The following ATP2A2 variants were observed in gnomAD, a reference collection of about 807,000 sequenced individuals.
ATP2A2 encodes the protein sarcoplasmic/endoplasmic reticulum calcium ATPase 2.
Under a neutral mutation model 109.3 loss-of-function variants are expected in ATP2A2, and 14 were observed. That is an observed-to-expected ratio of 0.13 (90% CI 0.08 to 0.20). The LOEUF is 0.20. ATP2A2 is among the 10% of genes least tolerant of loss of function. ATP2A2 has a pLI of 1.00. For synonymous variants in ATP2A2, 506 were observed against 490.9 expected, an observed-to-expected ratio of 1.03 and a Z score of -0.41; for missense variants, 657 against 1,321.6, an observed-to-expected ratio of 0.50 and a Z score of 7.80.
In ATP2A2 at chr12:110,283,799, A is replaced by G. The variant is rs570500161; in HGVS notation, c.219+1004A>G. On this transcript the variant is annotated intron_variant, in intron 3 of 19. Transcript: ENST00000539276. ...AACTTCACGGTTTCAGTTCTTGTACATATATGTATGCAGGTCCCAGGGATC... is the reference window on the plus strand; with the variant it reads ...AACTTCACGGTTTCAGTTCTTGTACGTATATGTATGCAGGTCCCAGGGATC... Among the ~76,000 whole-genome samples the G allele has an allele frequency of 9.9e-5, 15 of 152,280 alleles. No homozygotes were observed. The East Asian group carries it at 2.7e-3, about 27-fold the overall frequency.
At chr12:110,304,286 C>G (rs1434276314) in intron 5 of ATP2A2, among the ~76,000 whole-genome samples, 1 of 152,148 alleles carries the variant, frequency 6.6e-6, no homozygotes, top group Non-Finnish European at 1.5e-5. Flanking sequence ...AACATTTTCT[C>G]TCTGTTAGGT....
In ATP2A2 at chr12:110,326,398, G is replaced by A; in HGVS notation, c.553G>A (p.Val185Ile). Residue 185 changes from valine to isoleucine, a missense_variant, in exon 7 of 20, where the codon GTC becomes ATC. By Grantham distance (29) the Val-to-Ile change is conservative. Coordinates refer to ENST00000539276, the MANE Select transcript of ATP2A2 (RefSeq NM_170665.4). ...TCTCACAACCCGCTTAGGTGAATCTGTCTCTGTCATCAAGCACACTGATCC... is the reference window on the plus strand; with the variant it reads ...TCTCACAACCCGCTTAGGTGAATCTATCTCTGTCATCAAGCACACTGATCC... ...VDQSILTGES[V>I]SVIKHTDPVP... 1 of 1,613,940 alleles carries A rather than the reference G, an allele frequency of 6.2e-7. No individual in the cohort carries two copies. The highest frequency in any genetic ancestry group is 8.5e-7 in the Non-Finnish European group (1 of 1,179,934).
intron 3 of ATP2A2, among the ~76,000 whole-genome samples, chr12:110,286,719 G>C (rs1301381649): frequency 2.2e-5 from 3 of 134,836 alleles, no homozygotes; most frequent in Non-Finnish European, 5.2e-5. Context: ...AAAAAAACTT[G>C]ATGTAAATTT....
At chr12:110,291,915 G>A (rs1873356177) in intron 3 of ATP2A2, 105 bp from the exon 4 acceptor site, 1 of 1,019,806 alleles carries the variant, frequency 9.8e-7, no homozygotes, top group South Asian at 1.3e-5. Context: ...CCAAAGTGCT[G>A]GGATTACAGG....
In ATP2A2 at chr12:110,281,824, T is replaced by C; in HGVS notation, c.35T>C (p.Val12Ala). The C allele has an allele frequency of 6.4e-7, 1 of 1,553,046 alleles. No individual in the cohort carries two copies. Among genetic ancestry groups the C allele is most frequent in the Non-Finnish European group, 8.7e-7 (1 of 1,151,286 alleles). Reference protein sequence around the residue: ...ENAHTKTVEEVLGHFGVNEST... With the variant: ...ENAHTKTVEEALGHFGVNEST... The stretch of plus-strand genomic sequence containing the variant: ...GCGCACACCAAGACGGTGGAGGAGG[T>C]GCTGGGCCACTTCGGCGTCAACGAG... Residue 12 changes from valine to alanine, a missense_variant, in exon 1 of 20, where the codon GTG (valine) becomes GCG (alanine). Coordinates refer to ENST00000539276, the MANE Select transcript of ATP2A2 (RefSeq NM_170665.4).
chr12:110,282,671 T>C, intron 2 of ATP2A2, 42 bp from the exon 3 acceptor site: 1 of 1,613,774 alleles, frequency 6.2e-7, no homozygotes, highest in Non-Finnish European at 8.5e-7. Flanking sequence ...GGTGTGCTGA[T>C]GGTAAGATGA....
chr12:110,346,303 C>G lies in ATP2A2; in HGVS notation c.2962C>G (p.Arg988Gly). 6.2e-7 allele frequency: 1 copy of G among 1,614,100 alleles called. No individual in the cohort carries two copies. Residue 988 changes from arginine (R) to glycine (G), a missense_variant, in exon 20 of 20, where the codon CGC becomes GGC. Coordinates refer to ENST00000539276, the MANE Select transcript of ATP2A2 (RefSeq NM_170665.4). ...LMDETLKFVA[R>G]NYLEPGKECV... ...GGATGAGACGCTCAAGTTTGTGGCC[C>G]GCAACTACCTGGAACCTGGTAAAGA...
chr12:110,343,178 A>G, intron 15 of ATP2A2, 54 bp from the exon 16 acceptor site: 2 of 1,568,578 alleles, frequency 1.3e-6, no homozygotes, highest in Non-Finnish European at 1.8e-6. Flanking sequence ...CTCTTTAAAT[A>G]GTGGCCAGAA....
In ATP2A2 at chr12:110,348,249, C is replaced by T. The variant is rs139155700; in HGVS notation, c.*1779C>T. 29,136 of 985,260 alleles carry T rather than the reference C, an allele frequency of 0.03. 476 individuals are homozygous for T. The highest frequency in any genetic ancestry group is 0.072 in the Middle Eastern group (138 of 1,914). 61.0% of individuals were successfully genotyped at this position (985,260 alleles called of 1,614,324 possible). ...TATCGATAGGTTCGTCTTAAATAGG[C>T]CACTTCCCCACTCCCCCACCCCCCC... On this transcript the variant is annotated 3_prime_UTR_variant, in exon 20 of 20. Coordinates refer to ENST00000539276, the MANE Select transcript of ATP2A2 (RefSeq NM_170665.4).
At chr12:110,326,183 T>G (rs1877784329) in intron 6 of ATP2A2, 1 of 583,390 alleles carries the variant, frequency 1.7e-6, no homozygotes, top group South Asian at 2.0e-5. Flanking sequence ...ATTGTGTTGA[T>G]TTTTATCCTG....
chr12:110,303,573 G>A (rs977371409), intron 5 of ATP2A2, among the ~76,000 whole-genome samples: 1 of 152,092 alleles, frequency 6.6e-6, no homozygotes, highest in Non-Finnish European at 1.5e-5. Context: ...ACCACGCCCA[G>A]CTAATTTTTG....
intron 10 of ATP2A2, 136 bp downstream of exon 10, chr12:110,333,419 C>T: frequency 1.2e-6 from 1 of 811,610 alleles, no homozygotes; most frequent in Non-Finnish European, 2.1e-6. Flanking sequence ...CCATTCAGAA[C>T]CTGATGGTGG....
intron 6 of ATP2A2, among the ~76,000 whole-genome samples, chr12:110,325,521 C>T (rs1473103044): frequency 1.3e-5 from 2 of 151,792 alleles, no homozygotes; most frequent in East Asian, 3.9e-4. Flanking sequence ...GTAATCCCAG[C>T]TACTTGGGAG....
chr12:110,282,462 T>C (rs887659532), intron 1 of ATP2A2, 142 bp from the exon 2 acceptor site: 30 of 1,153,476 alleles, frequency 2.6e-5, no homozygotes, highest in Middle Eastern at 4.0e-4. Context: ...GATATTCTTA[T>C]AGCTAGGTCT....
rs751360756 is a variant in ATP2A2, at chr12:110,340,878, A to C, written c.1981A>C (p.Asn661His). Reference protein sequence around the residue: ...AFTGREFDELNPSAQRDACLN... With the variant: ...AFTGREFDELHPSAQRDACLN... ...CACAGGCCGGGAGTTTGATGAACTC[A>C]ACCCCTCCGCCCAGCGAGACGCCTG... is the stretch of plus-strand genomic sequence containing the variant. Residue 661 changes from asparagine (N) to histidine (H), a missense_variant, in exon 14 of 20, where the codon AAC becomes CAC. Physicochemically the swap from Asn to His is moderately conservative, Grantham distance 68. Coordinates refer to ENST00000539276, the MANE Select transcript of ATP2A2 (RefSeq NM_170665.4). This position sits in a 1 kb window ranked among gnomAD's most constrained non-coding sequence, Gnocchi z 6.0. 3.7e-6 allele frequency: 6 copies of C among 1,614,108 alleles called. No individual in the cohort carries two copies. Among genetic ancestry groups the C allele is most frequent in the Non-Finnish European group, 5.1e-6 (6 of 1,180,042 alleles).
chr12:110,335,885 G>GGCA (rs1404924196), intron 11 of ATP2A2, among the ~76,000 whole-genome samples: 1 of 152,196 alleles, frequency 6.6e-6, no homozygotes, highest in Non-Finnish European at 1.5e-5. Flanking sequence ...TGAGCTGTGT[G>GGCA]GCAGCAGCAG....
At chr12:110,283,448 T>A (rs1334849205) in intron 3 of ATP2A2, among the ~76,000 whole-genome samples, 1 of 152,236 alleles carries the variant, frequency 6.6e-6, no homozygotes, top group Non-Finnish European at 1.5e-5. Flanking sequence ...TGTGTGTGCT[T>A]ACCCACTTGA....
chr12:110,307,447 AG>A (rs1875489753), intron 5 of ATP2A2, among the ~76,000 whole-genome samples: 1 of 151,412 alleles, frequency 6.6e-6, no homozygotes, highest in African/African-American at 2.4e-5. Context: ...TGCCCTGGCT[AG>A]TAGTTGAATT....
intron 9 of ATP2A2, 123 bp downstream of exon 9, chr12:110,332,808 T>A: frequency 1.1e-6 from 1 of 898,518 alleles, no homozygotes; most frequent in Non-Finnish European, 1.9e-6. Context: ...CACTTATTAC[T>A]AAAGTAGTAA....
Sources: allele counts gnomAD v4.1 joint callset (sites outside exome capture counted in the v4.1 genomes callset), GRCh38; gene constraint gnomAD v4.1.1; non-coding constraint Gnocchi (gnomAD v3.1); transcripts MANE v1.5; gene names NCBI Gene and HGNC (gene_info 2026-07-23, HGNC 2026-07-21).